KAT6B: variants seen among roughly 807,000 people sequenced by gnomAD.
KAT6B encodes the protein lysine acetyltransferase 6B.
A neutral mutation model predicts 187.5 loss-of-function variants in KAT6B; 10 were observed. That is an observed-to-expected ratio of 0.05 (90% CI 0.03 to 0.09). The LOEUF is 0.09. KAT6B is among the 10% of genes least tolerant of loss of function. The pLI is 1.00. For synonymous variants in KAT6B, 861 were observed against 926.8 expected (o/e 0.93, Z 1.29); for missense variants, 1,952 against 2,558.9 (o/e 0.76, Z 5.12).
chr10:74,857,147 T>C (rs1842876942), intron 3 of KAT6B, among the ~76,000 whole-genome samples: 1 of 152,198 alleles, frequency 6.6e-6, no homozygotes, highest in Admixed American at 6.5e-5. Context: ...GTGTATTAGT[T>C]TTCTATTGCT....
chr10:75,021,354 C>A, intron 15 of KAT6B, 69 bp downstream of exon 15: 3 of 1,528,574 alleles, frequency 2.0e-6, no homozygotes, highest in Non-Finnish European at 2.7e-6. Context: ...CTAAGAAAGT[C>A]ATTAAGATCG....
At chr10:74,969,955 A>G (rs1483115496) in intron 5 of KAT6B, 65 bp from the exon 6 acceptor site, 1 of 1,238,594 alleles carries the variant, frequency 8.1e-7, no homozygotes, top group Non-Finnish European at 1.2e-6. Flanking sequence ...TCCAGTAACA[A>G]AAGAATTTTT....
rs147574112 is a variant in KAT6B, at chr10:75,028,587, G to C, written c.3763G>C (p.Gly1255Arg). The change falls in exon 18 of 18, where the codon GGT becomes CGT. Residue 1255 changes from glycine (G) to arginine (R), a missense_variant. Coordinates refer to ENST00000287239, the MANE Select transcript of KAT6B (RefSeq NM_012330.4). The part of the protein sequence containing the change: ...KQVWPKGTKR[G>R]LSKWRQNKER... ...AGTGTGGCCAAAAGGAACAAAGCGC[G>C]GTCTATCTAAGTGGAGGCAAAACAA... The C allele has an allele frequency of 6.2e-6, 10 of 1,614,128 alleles. No individual in the cohort carries two copies. The highest frequency in any genetic ancestry group is 5.3e-5 in the African/African-American group (4 of 75,012).
chr10:74,842,487 G>A, intron 2 of KAT6B, 113 bp from the exon 3 acceptor site: 2 of 485,270 alleles, frequency 4.1e-6, no homozygotes, highest in East Asian at 3.1e-5. Flanking sequence ...ATACCTGCCT[G>A]TCATTACTTC....
chr10:74,993,943 C>T (rs1197336440), intron 13 of KAT6B, among the ~76,000 whole-genome samples: 4 of 152,104 alleles, frequency 2.6e-5, no homozygotes, highest in Admixed American at 2.6e-4. Flanking sequence ...TGGTAACTGC[C>T]AGGCTTCTTC....
At chr10:74,894,763 A>C (rs12260545) in intron 3 of KAT6B, among the ~76,000 whole-genome samples, 45,002 of 152,118 alleles carry the variant, frequency 0.3, 11,971 homozygotes, top group African/African-American at 0.7. Flanking sequence ...CTTTTTAAGG[A>C]TGAATAATAT....
intron 6 of KAT6B, among the ~76,000 whole-genome samples, chr10:74,972,086 ATT>A (rs1014669690): frequency 2.6e-5 from 4 of 151,102 alleles, no homozygotes; most frequent in African/African-American, 9.7e-5. Context: ...TATACTGATA[ATT>A]TTTTTTTAGT....
chr10:75,030,846 A>T lies in KAT6B; in HGVS notation c.6022A>T (p.Ser2008Cys), dbSNP rs981515171. Residue 2008 changes from serine (S) to cysteine (C), a missense_variant, in exon 18 of 18, where the codon AGC becomes TGC. Physicochemically the swap from Ser to Cys is moderately radical, Grantham distance 112. Around this residue, in one of 9 missense-constraint regions of KAT6B, gnomAD observed 358 missense variants for 436.3 expected, o/e 0.82. Coordinates refer to ENST00000287239, the MANE Select transcript of KAT6B (RefSeq NM_012330.4). This position sits in a 1 kb window ranked among gnomAD's most constrained non-coding sequence, Gnocchi z 4.8. ...SQPMMNSGYHSNHGYMNQTPQ... is the reference protein window; with the variant it reads ...SQPMMNSGYHCNHGYMNQTPQ... ...GCCAATGATGAACAGTGGCTACCAC[A>T]GCAATCATGGCTATATGAATCAAAC... 6.2e-7 allele frequency: 1 copy of T among 1,614,122 alleles called. No individual in the cohort carries two copies. Among genetic ancestry groups the T allele is most frequent in the Non-Finnish European group, 8.5e-7 (1 of 1,180,040 alleles).
chr10:74,878,150 G>C (rs543543471), intron 3 of KAT6B, among the ~76,000 whole-genome samples: 2 of 152,258 alleles, frequency 1.3e-5, no homozygotes, highest in African/African-American at 4.8e-5. Context: ...GGGCATCTCA[G>C]ATTTGCCTGT....
chr10:74,950,895 T>G (rs1346090174), intron 3 of KAT6B, among the ~76,000 whole-genome samples: 3 of 152,082 alleles, frequency 2.0e-5, no homozygotes, highest in African/African-American at 7.2e-5. Context: ...GGTGGATCAC[T>G]TGAGCCCAGG....
intron 3 of KAT6B, among the ~76,000 whole-genome samples, chr10:74,912,550 C>T (rs548483283): frequency 1.7e-3 from 260 of 152,208 alleles, no homozygotes; most frequent in Non-Finnish European, 3.2e-3. Context: ...GTATTTAGCT[C>T]TCTGTCTGTA....
At chr10:74,894,238 C>A in intron 3 of KAT6B, among the ~76,000 whole-genome samples, 1 of 152,122 alleles carries the variant, frequency 6.6e-6, no homozygotes, top group South Asian at 2.1e-4. Context: ...TGAGCCACCA[C>A]GCCCAGCTAA....
intron 3 of KAT6B, among the ~76,000 whole-genome samples, chr10:74,891,485 T>C (rs767803901): frequency 9.2e-5 from 14 of 152,268 alleles, no homozygotes; most frequent in Non-Finnish European, 1.5e-4. Flanking sequence ...TCTGTGTCTG[T>C]GATGCTTTAA....
At chr10:74,864,156 C>A (rs1843387345) in intron 3 of KAT6B, among the ~76,000 whole-genome samples, 2 of 151,794 alleles carry the variant, frequency 1.3e-5, no homozygotes, top group South Asian at 4.2e-4. Context: ...GCAACCTCCA[C>A]CTCCTGGGTT....
chr10:74,869,655 A>C (rs1414885499), intron 3 of KAT6B, among the ~76,000 whole-genome samples: 1 of 152,194 alleles, frequency 6.6e-6, no homozygotes, highest in Non-Finnish European at 1.5e-5. Flanking sequence ...GGTCCCTTTT[A>C]TAATTCGAAC....
chr10:74,941,324 C>T (rs1006112500), intron 3 of KAT6B, among the ~76,000 whole-genome samples: 9 of 152,166 alleles, frequency 5.9e-5, no homozygotes, highest in Admixed American at 5.9e-4. Flanking sequence ...AGAGATGATA[C>T]CAAATAAGAT....
intron 3 of KAT6B, among the ~76,000 whole-genome samples, chr10:74,947,198 T>C (rs1054833733): frequency 6.6e-6 from 1 of 152,198 alleles, no homozygotes; most frequent in Non-Finnish European, 1.5e-5. Context: ...GGTTTTGCCA[T>C]GTTGGCCAGG....
Position 75,030,314 on chromosome 10 carries a change from T to C in KAT6B, c.5490T>C (p.His1830=). Residue 1830 remains histidine (H), a synonymous_variant, in exon 18 of 18, where the codon CAT becomes CAC. Coordinates refer to ENST00000287239, the MANE Select transcript of KAT6B (RefSeq NM_012330.4). This position sits in a 1 kb window ranked among gnomAD's most constrained non-coding sequence, Gnocchi z 4.8. The part of the protein sequence containing the change: ...LQQLTNTLID[H]SLPYSHSAAV... Reference sequence around the variant, plus strand: ...AGTTAACTAATACACTTATTGATCATTCATTGCCTTACAGCCATTCCGCTG... The same window carrying C: ...AGTTAACTAATACACTTATTGATCACTCATTGCCTTACAGCCATTCCGCTG... The C allele has an allele frequency of 6.2e-7, 1 of 1,614,240 alleles. No individual in the cohort carries two copies. Among genetic ancestry groups the C allele is most frequent in the Non-Finnish European group, 8.5e-7 (1 of 1,180,038 alleles).
chr10:74,858,100 G>A (rs1023382731), intron 3 of KAT6B, among the ~76,000 whole-genome samples: 1 of 151,984 alleles, frequency 6.6e-6, no homozygotes, highest in Non-Finnish European at 1.5e-5. Flanking sequence ...GCTGAAGGCC[G>A]GGGGTCAAGA....
Sources: allele counts gnomAD v4.1 joint callset (sites outside exome capture counted in the v4.1 genomes callset), GRCh38; gene constraint gnomAD v4.1.1; regional missense constraint gnomAD v4.1.1; non-coding constraint Gnocchi (gnomAD v3.1); transcripts MANE v1.5; gene names NCBI Gene and HGNC (gene_info 2026-07-23, HGNC 2026-07-21).